The following DENND2C variants were observed in gnomAD, a reference collection of about 807,000 sequenced individuals.
DENND2C encodes DENN domain-containing protein 2C.
DENND2C carries 72 observed loss-of-function variants against 112.4 expected under a neutral mutation model. That is an observed-to-expected ratio of 0.64 (90% CI 0.53 to 0.78). DENND2C has a LOEUF of 0.78. Ranked by LOEUF, DENND2C falls within the 30% of genes least tolerant of loss-of-function variation. The pLI is 0.00. For missense variants in DENND2C, 992 were observed against 1,113.8 expected (o/e 0.89, Z 1.56); for synonymous variants, 329 against 381.6 (o/e 0.86, Z 1.61).
chr1:114,583,757 A>C lies in DENND2C; in HGVS notation c.*1843T>G, dbSNP rs1370863917. ...GGGAGGCGGAGGTTGCAGTGAGCCGAGATCACACCATTGCACTCCAGCCTG... is the reference window on the plus strand; with the variant it reads ...GGGAGGCGGAGGTTGCAGTGAGCCGCGATCACACCATTGCACTCCAGCCTG... On this transcript the variant is annotated 3_prime_UTR_variant, in exon 21 of 21. Transcript: ENST00000393274. 1 of 146,828 alleles carries C rather than the reference A, an allele frequency of 6.8e-6. No individual in the cohort carries two copies. The highest frequency in any genetic ancestry group is 1.5e-5 in the Non-Finnish European group (1 of 66,870). 9.1% of individuals were successfully genotyped at this position (146,828 alleles called of 1,614,324 possible). A position where few individuals can be genotyped will look rare whatever the true frequency, so the allele number is the denominator to read the frequency against.
At chr1:114,652,423 G>A (rs543446944) in intron 2 of DENND2C, among the ~76,000 whole-genome samples, 4 of 152,132 alleles carry the variant, frequency 2.6e-5, no homozygotes, top group Non-Finnish European at 4.4e-5. Context: ...TTTCTCAAAT[G>A]GGGGGTGGGC....
At chr1:114,663,267 C>T (rs572343696) in intron 1 of DENND2C, among the ~76,000 whole-genome samples, 1 of 152,294 alleles carries the variant, frequency 6.6e-6, no homozygotes, top group Admixed American at 6.5e-5. Flanking sequence ...TTATTTCACC[C>T]AGGTTTCAAT....
At chr1:114,593,601 G>A (rs1655253658) in intron 18 of DENND2C, among the ~76,000 whole-genome samples, 1 of 151,942 alleles carries the variant, frequency 6.6e-6, no homozygotes. Context: ...CCTAGGCAAC[G>A]TGGTGAGACC....
intron 2 of DENND2C, among the ~76,000 whole-genome samples, chr1:114,647,994 G>A (rs1344819449): frequency 6.6e-6 from 1 of 151,954 alleles, no homozygotes; most frequent in African/African-American, 2.4e-5. Flanking sequence ...TTTTAGTAGA[G>A]GCATGGTTTC....
intron 5 of DENND2C, 151 bp from the exon 6 acceptor site, chr1:114,623,250 A>C (rs1656216235): frequency 1.4e-6 from 1 of 733,006 alleles, no homozygotes. Flanking sequence ...CAGCAATTTA[A>C]GCTTATGGGT....
Position 114,607,904 on chromosome 1 carries a change from C to T in DENND2C, c.1557+782G>A, listed in dbSNP as rs1655701461. Among the ~76,000 whole-genome samples the T allele has an allele frequency of 2.6e-5, 4 of 152,230 alleles. No individual in the cohort carries two copies. The South Asian group carries it at 8.3e-4, about 32-fold the overall frequency. On this transcript the variant is annotated intron_variant, in intron 10 of 20. Coordinates refer to ENST00000393274, the MANE Select transcript of DENND2C (RefSeq NM_001256404.2). ...TATATGCCAGACACTGTTCTAAGTGCCTTATATAAATTAGCTTATTTAATC... is the reference window on the plus strand; with the variant it reads ...TATATGCCAGACACTGTTCTAAGTGTCTTATATAAATTAGCTTATTTAATC...
Position 114,585,278 on chromosome 1 carries a change from C to G in DENND2C, c.*322G>C, listed in dbSNP as rs567187040. 12 of 316,178 alleles carry G rather than the reference C, an allele frequency of 3.8e-5. No individual in the cohort carries two copies. Among genetic ancestry groups the G allele is most frequent in the African/African-American group, 2.5e-4 (12 of 47,644 alleles). The allele number at this position is 316,178 out of a possible 1,614,324, so 19.6% of individuals were successfully genotyped here. A position where few individuals can be genotyped will look rare whatever the true frequency, so the allele number is the denominator to read the frequency against. ...AGCTATTTTTTAAATGTAACAACAACAAGGCTTTTCCTTGTGAAACACAAC... is the reference window on the plus strand; with the variant it reads ...AGCTATTTTTTAAATGTAACAACAAGAAGGCTTTTCCTTGTGAAACACAAC... On this transcript the variant is annotated 3_prime_UTR_variant, in exon 21 of 21. Transcript: ENST00000393274.
chr1:114,625,711 G>T lies in DENND2C; in HGVS notation c.274C>A (p.Gln92Lys). The T allele has an allele frequency of 1.2e-6, 2 of 1,613,904 alleles. No individual in the cohort carries two copies. Among genetic ancestry groups the T allele is most frequent in the South Asian group, 1.1e-5 (1 of 91,062 alleles). Residue 92 changes from glutamine to lysine, a missense_variant, in exon 4 of 21, where the codon CAA becomes AAA. Physicochemically the swap from Gln to Lys is moderately conservative, Grantham distance 53. This residue lies in a region of DENND2C where 470 missense variants were observed against 472.7 expected (regional missense o/e 0.99). Transcript: ENST00000393274. Reference sequence around the variant, plus strand: ...TGTTTCTTATTTTCATTCTCACTTTGATCATGGCTTTTGGTATTTTCATTT... The same window carrying T: ...TGTTTCTTATTTTCATTCTCACTTTTATCATGGCTTTTGGTATTTTCATTT... The part of the protein sequence containing the change: ...DINENTKSHD[Q>K]SENENKKHEY...
At position 114,583,341 on chromosome 1, in the gene DENND2C, A is replaced by G. The variant is rs911400816; in HGVS notation, c.*2259T>C. The G allele has an allele frequency of 1.3e-5, 2 of 151,162 alleles. No individual in the cohort carries two copies. Among genetic ancestry groups the G allele is most frequent in the Non-Finnish European group, 3.0e-5 (2 of 67,466 alleles). The allele number at this position is 151,162 out of a possible 1,614,324, so 9.4% of individuals were successfully genotyped here. A position where few individuals can be genotyped will look rare whatever the true frequency, so the allele number is the denominator to read the frequency against. On this transcript the variant is annotated 3_prime_UTR_variant, in exon 21 of 21. Transcript: ENST00000393274. ...GTACAAGTCAATAAACTGTATCACAATACAACTTACACAGTTTTGTAAGGT... is the reference window on the plus strand; with the variant it reads ...GTACAAGTCAATAAACTGTATCACAGTACAACTTACACAGTTTTGTAAGGT...
intron 1 of DENND2C, among the ~76,000 whole-genome samples, chr1:114,668,003 C>T (rs1657693612): frequency 6.6e-6 from 1 of 152,116 alleles, no homozygotes; most frequent in African/African-American, 2.4e-5. Context: ...TTACCATCCG[C>T]TTTAAAAACA....
Position 114,611,778 on chromosome 1 carries a change from A to AACACACACACAC in DENND2C, c.1325-673_1325-662dup, listed in dbSNP as rs6143386. Reference sequence around the variant, plus strand: ...TTTGTATAATTCTGAGAGCACAGGCAACACACACACACACACACACACACA... The same window carrying AACACACACACAC: ...TTTGTATAATTCTGAGAGCACAGGCAACACACACACACACACACACACACACACACACACACA... On this transcript the variant is annotated intron_variant, in intron 8 of 20. Coordinates refer to ENST00000393274, the MANE Select transcript of DENND2C (RefSeq NM_001256404.2). Among the ~76,000 whole-genome samples the AACACACACACAC allele has an allele frequency of 2.9e-3, 426 of 148,364 alleles. 4 individuals carry two copies. Among genetic ancestry groups the AACACACACACAC allele is most frequent in the Middle Eastern group, 3.5e-3 (1 of 288 alleles).
At chr1:114,639,543 T>C (rs1346988284) in intron 3 of DENND2C, among the ~76,000 whole-genome samples, 5 of 150,500 alleles carry the variant, frequency 3.3e-5, no homozygotes, top group South Asian at 4.2e-4. Context: ...GATTGTGCCA[T>C]TGCACTCTAG....
chr1:114,661,769 G>A (rs573144313), intron 1 of DENND2C, among the ~76,000 whole-genome samples: 13 of 151,778 alleles, frequency 8.6e-5, no homozygotes, highest in South Asian at 4.2e-4. Context: ...TTTTTACTTC[G>A]TTTTTTTCTT....
rs1231608150 is a variant in DENND2C, at chr1:114,625,365, A to G, written c.620T>C (p.Ile207Thr). The change falls in exon 4 of 21, where the codon ATA becomes ACA. Residue 207 changes from isoleucine to threonine, a missense_variant. By Grantham distance (89) the Ile-to-Thr change is moderately conservative. This residue lies in a region of DENND2C where 470 missense variants were observed against 472.7 expected (regional missense o/e 0.99). Coordinates refer to ENST00000393274, the MANE Select transcript of DENND2C (RefSeq NM_001256404.2). ...CCTACGAGGTTTTGGCAAAGGATTT[A>G]TGGAAGGTCCACATTCTTGCCCCTC... is the stretch of plus-strand genomic sequence containing the variant. ...EPEGQECGPS[I>T]NPLPKPRRTF... 3.1e-6 allele frequency: 5 copies of G among 1,614,068 alleles called. No individual in the cohort carries two copies. The Admixed American group carries it at 5.0e-5, about 16-fold the overall frequency.
In DENND2C at chr1:114,591,003, A is replaced by G. The variant is rs375469939; in HGVS notation, c.2432-3051T>C. Reference sequence around the variant, plus strand: ...TTTTTTTGAGACAGGGTCTTGCTCTATTGCCCAGGCTAGAGTGCAGTGGCA... The same window carrying G: ...TTTTTTTGAGACAGGGTCTTGCTCTGTTGCCCAGGCTAGAGTGCAGTGGCA... On this transcript the variant is annotated intron_variant, in intron 18 of 20. Transcript: ENST00000393274. 1.3e-3 allele frequency among the ~76,000 whole-genome samples: 193 copies of G among 151,726 alleles called. 1 individual carries two copies. Among genetic ancestry groups the G allele is most frequent in the African/African-American group, 4.3e-3 (178 of 41,386 alleles).
chr1:114,587,967 A>G lies in DENND2C; in HGVS notation c.2432-15T>C. 1 of 1,600,352 alleles carries G rather than the reference A, an allele frequency of 6.2e-7. No homozygotes were observed. Among genetic ancestry groups the G allele is most frequent in the Non-Finnish European group, 8.5e-7 (1 of 1,171,318 alleles). ...GAGTGTCACATCTGCTGCAACATGA[A>G]AAAGAAAAAAAGAAAAAAATCTCCT... On this transcript the variant is annotated splice_polypyrimidine_tract_variant and intron_variant, in intron 18 of 20. Transcript: ENST00000393274.
At chr1:114,624,852 C>A (rs187713418) in intron 4 of DENND2C, among the ~76,000 whole-genome samples, 87 of 152,150 alleles carry the variant, frequency 5.7e-4, no homozygotes, top group African/African-American at 2.1e-3. Context: ...AACTCCTGAC[C>A]TCAAGTGATC....
chr1:114,609,415 T>C (rs1254113809), intron 9 of DENND2C, among the ~76,000 whole-genome samples: 1 of 152,152 alleles, frequency 6.6e-6, no homozygotes, highest in Non-Finnish European at 1.5e-5. Context: ...CACATATTAC[T>C]AACAATGAAT....
chr1:114,657,988 TG>T (rs1296564527), intron 1 of DENND2C, among the ~76,000 whole-genome samples: 3 of 152,228 alleles, frequency 2.0e-5, no homozygotes, highest in African/African-American at 7.2e-5. Context: ...GGTCTTCCAC[TG>T]GAACTGAAGG....
Sources: gnomAD v4.1 joint callset for allele counts (sites outside exome capture counted in the v4.1 genomes callset) on GRCh38, gnomAD v4.1.1 for gene constraint, gnomAD v4.1.1 regional missense constraint, MANE v1.5 for transcripts, NCBI Gene and HGNC (gene_info 2026-07-23, HGNC 2026-07-21) for gene names.